Variants in RYR1 observed in about 807,000 individuals in gnomAD.
RYR1 encodes the protein central core disease of muscle.
A neutral mutation model predicts 583.5 loss-of-function variants in RYR1; 342 were observed. The observed-to-expected ratio is 0.59, with a 90% CI of 0.54 to 0.64. The LOEUF (loss-of-function observed/expected upper bound fraction) is 0.64, where lower values mean the gene tolerates loss of function less well. Ranked by LOEUF, RYR1 falls within the 30% of genes least tolerant of loss-of-function variation. The probability of loss-of-function intolerance (pLI) is 0.00; values close to 1 mark genes in which losing one functional copy is unlikely to be tolerated. For synonymous variants in RYR1, 2,791 were observed against 2,822.5 expected, an observed-to-expected ratio of 0.99 and a Z score of 0.35; for missense variants, 6,032 against 6,917.2, an observed-to-expected ratio of 0.87 and a Z score of 4.54.
At chr19:38,449,002 A>G (rs183264432) in intron 11 of RYR1, among the ~76,000 whole-genome samples, 189 bp downstream of exon 11, 2 of 152,094 alleles carry the variant, frequency 1.3e-5, no homozygotes, top group African/African-American at 4.8e-5. Context: ...GACTGAGAGA[A>G]AGATAGAGAC....
rs1970405300 is a variant in RYR1, at chr19:38,505,542, C to T, written c.8400+144C>T. The T allele has an allele frequency of 6.4e-6, 5 of 785,430 alleles. No homozygotes were observed. The East Asian group carries it at 1.3e-4, about 21-fold the overall frequency. 48.7% of individuals were successfully genotyped at this position (785,430 alleles called of 1,614,324 possible). ...TCCCCATTCATGGACTTTGCCTTCT[C>T]TCAAACTTGGTAGAGTGGGTAGAGA... On this transcript the variant is annotated intron_variant, in intron 53 of 105. Transcript: ENST00000359596.
At position 38,502,682 on chromosome 19, in the gene RYR1, AGGC is replaced by A; in HGVS notation, c.7792_7794del (p.Ala2598del). ...CTGTCTCGGGGTCGTTCGCTCACCAAGGCGCAGCGTGACGTCATCGAGGACTGC... is the reference window on the plus strand; with the variant it reads ...CTGTCTCGGGGTCGTTCGCTCACCAAGCAGCGTGACGTCATCGAGGACTGC... On this transcript the variant is annotated inframe_deletion, in exon 48 of 106. Transcript: ENST00000359596. 6.2e-7 allele frequency: 1 copy of A among 1,606,894 alleles called. No homozygotes were observed. Among genetic ancestry groups the A allele is most frequent in the Non-Finnish European group, 8.5e-7 (1 of 1,178,742 alleles).
intron 104 of RYR1, 104 bp from the exon 105 acceptor site, chr19:38,586,421 G>C (rs1974491528): frequency 7.8e-7 from 1 of 1,280,502 alleles, no homozygotes; most frequent in Non-Finnish European, 1.1e-6. Flanking sequence ...AGGAGTTCGA[G>C]ACCAGCTTGG....
chr19:38,511,970 C>G (rs1277235683), intron 61 of RYR1, 102 bp from the exon 62 acceptor site: 2 of 1,357,754 alleles, frequency 1.5e-6, no homozygotes, highest in African/African-American at 2.9e-5. Context: ...ACTTAGCCCG[C>G]AGGTAGCCTC....
At chr19:38,514,284 T>TA in intron 63 of RYR1, among the ~76,000 whole-genome samples, 1 of 147,246 alleles carries the variant, frequency 6.8e-6, no homozygotes, top group Admixed American at 6.8e-5. Flanking sequence ...TTTTTTTAAT[T>TA]TTTTTTTTTT....
At chr19:38,549,875 TTGTGTGTGTGTGTGTGTGTGTGTGTG>T (rs150566334) in intron 89 of RYR1, among the ~76,000 whole-genome samples, 2 of 122,188 alleles carry the variant, frequency 1.6e-5, no homozygotes, top group Admixed American at 8.8e-5. Context: ...CCAGCTAAAT[TTGTGTGTGTGTGTGTGTGTGTGTGTG>T]TGTGTGTGTG....
intron 101 of RYR1, among the ~76,000 whole-genome samples, chr19:38,581,514 C>CTTATTTGAGCTTTTCAAACTATT: frequency 6.6e-6 from 1 of 152,122 alleles, no homozygotes. Context: ...CGCACCTGGC[C>CTTATTTGAGCTTTTCAAACTATT]ATGTCAGATA....
At chr19:38,465,187 T>C (rs1367197455) in intron 23 of RYR1, among the ~76,000 whole-genome samples, 1 of 151,804 alleles carries the variant, frequency 6.6e-6, no homozygotes, top group Non-Finnish European at 1.5e-5. Context: ...AACCTCAGAG[T>C]GGGCTGGGTG....
chr19:38,510,304 AG>A (rs1287434238), intron 58 of RYR1, among the ~76,000 whole-genome samples, 193 bp from the exon 59 acceptor site: 1 of 152,080 alleles, frequency 6.6e-6, no homozygotes, highest in East Asian at 1.9e-4. Flanking sequence ...CTGGGTGACA[AG>A]AAAAAAAAAA....
At position 38,505,333 on chromosome 19, in the gene RYR1, G is replaced by C. The variant is rs1970395236; in HGVS notation, c.8335G>C (p.Glu2779Gln). The C allele has an allele frequency of 6.2e-7, 1 of 1,612,220 alleles. No homozygotes were observed. Among genetic ancestry groups the C allele is most frequent in the Non-Finnish European group, 8.5e-7 (1 of 1,179,230 alleles). Residue 2779 changes from glutamate (E) to glutamine (Q), a missense_variant, in exon 53 of 106, where the codon GAG (glutamate) becomes CAG (glutamine). Coordinates refer to ENST00000359596, the MANE Select transcript of RYR1 (RefSeq NM_000540.3). The part of the protein sequence containing the change: ...DKIQNNWSYG[E>Q]NIDEELKTHP... The stretch of plus-strand genomic sequence containing the variant: ...GATCCAGAACAACTGGTCCTATGGA[G>C]AGAACATAGACGAGGAGCTGAAGAC...
chr19:38,443,251 TA>T (rs1343127308), intron 3 of RYR1, among the ~76,000 whole-genome samples: 1 of 152,110 alleles, frequency 6.6e-6, no homozygotes, highest in African/African-American at 2.4e-5. Context: ...CCCAGGAAAC[TA>T]GAAGACGGGT....
At chr19:38,524,175 A>C (rs1236402658) in intron 70 of RYR1, among the ~76,000 whole-genome samples, 8 of 98,202 alleles carry the variant, frequency 8.1e-5, no homozygotes, top group Admixed American at 2.4e-4. Flanking sequence ...TTTTTTCTGG[A>C]CTTTTGTTCC....
chr19:38,483,525 C>G lies in RYR1; in HGVS notation c.4934+9C>G. 2 of 1,541,282 alleles carry G rather than the reference C, an allele frequency of 1.3e-6. No homozygotes were observed. Among genetic ancestry groups the G allele is most frequent in the Admixed American group, 2.0e-5 (1 of 51,148 alleles). On this transcript the variant is annotated intron_variant, in intron 33 of 105. Coordinates refer to ENST00000359596, the MANE Select transcript of RYR1 (RefSeq NM_000540.3). This position sits in a 1 kb window ranked among gnomAD's most constrained non-coding sequence, Gnocchi z 6.3. The stretch of plus-strand genomic sequence containing the variant: ...ATCCCCGAGGAGAACCGGTCAGGGC[C>G]AGCCCAGCTATGCAGGGGTGGGCAG...
chr19:38,541,925 C>T (rs955452775), intron 84 of RYR1, among the ~76,000 whole-genome samples: 4 of 151,588 alleles, frequency 2.6e-5, no homozygotes, highest in Admixed American at 2.0e-4. Context: ...AAAAATTGGC[C>T]GGATGTGGTG....
intron 9 of RYR1, among the ~76,000 whole-genome samples, chr19:38,447,702 G>A (rs537073354): frequency 3.3e-5 from 5 of 151,326 alleles, no homozygotes; most frequent in African/African-American, 7.3e-5. Context: ...TTAGCCAGGC[G>A]GTAGTGGCAC....
intron 105 of RYR1, among the ~76,000 whole-genome samples, chr19:38,586,820 G>T (rs1974512844): frequency 6.6e-6 from 1 of 152,128 alleles, no homozygotes; most frequent in African/African-American, 2.4e-5. Flanking sequence ...AAAATGCAAA[G>T]ATTAGCAGGG....
In RYR1 at chr19:38,500,472, G is replaced by T. The variant is rs1234442057; in HGVS notation, c.7324-134G>T. The T allele has an allele frequency of 3.9e-5, 52 of 1,317,334 alleles. No individual in the cohort carries two copies. The Admixed American group carries it at 5.2e-4, about 13-fold the overall frequency. The allele number at this position is 1,317,334 out of a possible 1,614,324, so 81.6% of individuals were successfully genotyped here. The stretch of plus-strand genomic sequence containing the variant: ...GGGGGGCACAGGCAGAGGAACGAGG[G>T]CTGGAAACTCTAGACAGCCTCCTGA... On this transcript the variant is annotated intron_variant, in intron 45 of 105. Transcript: ENST00000359596. The surrounding 1 kb of genome is among the most constrained non-coding windows in gnomAD (Gnocchi z 5.9).
At chr19:38,504,621 G>T in intron 50 of RYR1, 127 bp from the exon 51 acceptor site, 1 of 1,328,266 alleles carries the variant, frequency 7.5e-7, no homozygotes. Flanking sequence ...GTTTCAAGGA[G>T]AGGGACCATA....
At chr19:38,453,494 T>G (rs746488010) in intron 13 of RYR1, among the ~76,000 whole-genome samples, 42 of 151,572 alleles carry the variant, frequency 2.8e-4, no homozygotes, top group Non-Finnish European at 5.2e-4. Context: ...GAAATAGATC[T>G]TTGGGCATTA....
Sources: gnomAD v4.1 joint callset for allele counts (sites outside exome capture counted in the v4.1 genomes callset) on GRCh38, gnomAD v4.1.1 for gene constraint, Gnocchi (gnomAD v3.1) non-coding constraint, MANE v1.5 for transcripts, NCBI Gene and HGNC (gene_info 2026-07-23, HGNC 2026-07-21) for gene names.